ABHD12B: variants seen among roughly 807,000 people sequenced by gnomAD.
ABHD12B encodes the protein abhydrolase domain containing 12B.
A neutral mutation model predicts 50.4 loss-of-function variants in ABHD12B; 42 were observed. The observed-to-expected ratio is 0.83, with a 90% CI of 0.65 to 1.08. The LOEUF is 1.08. Among genes scored for constraint, ABHD12B ranks in the 50% least tolerant of loss-of-function variants. ABHD12B has a pLI of 0.00. For missense variants in ABHD12B, 479 were observed against 447.7 expected (o/e 1.07, Z -0.63); for synonymous variants, 167 against 160.3 (o/e 1.04, Z -0.32).
At chr14:50,893,298 C>T (rs2050145112) in intron 9 of ABHD12B, 1 of 155,644 alleles carries the variant, frequency 6.4e-6, no homozygotes, top group African/African-American at 2.4e-5. Flanking sequence ...GACATTCCAC[C>T]ACAAAAGAAG....
chr14:50,886,554 G>A, intron 7 of ABHD12B, 93 bp from the exon 8 acceptor site: 1 of 1,249,932 alleles, frequency 8.0e-7, no homozygotes, highest in African/African-American at 1.5e-5. Context: ...TTTCTAACCA[G>A]AGAGCCCAGA....
rs1414755272 is a variant in ABHD12B at position 50,877,867 on chromosome 14, A to AAC, written c.105-84_105-83insCA. The AAC allele has an allele frequency of 1.4e-5, 17 of 1,255,482 alleles. No homozygotes were observed. The African/African-American group carries it at 6.0e-4, about 44-fold the overall frequency. The allele number at this position is 1,255,482 out of a possible 1,614,324, so 77.8% of individuals were successfully genotyped here. A position where few individuals can be genotyped will look rare whatever the true frequency, so the allele number is the denominator to read the frequency against. ...GGGCAACAAGAGCAGAACTCTGTCC[A>AAC]AAAAAAAACAAAGAAAAAGAAAAAA... On this transcript the variant is annotated intron_variant, in intron 1 of 12. Transcript: ENST00000337334.
intron 9 of ABHD12B, among the ~76,000 whole-genome samples, chr14:50,897,094 T>C (rs1469522429): frequency 2.1e-5 from 3 of 142,344 alleles, no homozygotes; most frequent in African/African-American, 5.3e-5. Flanking sequence ...TTTTTTGAGA[T>C]GGAGTTTCAC....
chr14:50,898,624 C>T (rs2050226147), intron 9 of ABHD12B, among the ~76,000 whole-genome samples: 1 of 152,124 alleles, frequency 6.6e-6, no homozygotes, highest in Non-Finnish European at 1.5e-5. Flanking sequence ...AGTAGATTGA[C>T]CGGGGCTTGC....
intron 9 of ABHD12B, among the ~76,000 whole-genome samples, chr14:50,890,457 G>T (rs988260998): frequency 6.6e-6 from 1 of 152,102 alleles, no homozygotes; most frequent in Non-Finnish European, 1.5e-5. Context: ...ATTCTTAGAT[G>T]AATTTTACGG....
At chr14:50,873,400 G>T (rs1182588881) in intron 1 of ABHD12B, among the ~76,000 whole-genome samples, 1 of 151,626 alleles carries the variant, frequency 6.6e-6, no homozygotes, top group Non-Finnish European at 1.5e-5. Flanking sequence ...GTGTAGATAT[G>T]GGTTTTCACT....
At chr14:50,892,076 C>T (rs10131598) in intron 9 of ABHD12B, 104,982 of 152,086 alleles carry the variant, frequency 0.69, 36,752 homozygotes, top group South Asian at 0.76. Context: ...TGCTGGGACT[C>T]TGGGATTGCA....
chr14:50,886,008 G>C (rs1376571193), intron 7 of ABHD12B, 113 bp downstream of exon 7: 2 of 1,467,912 alleles, frequency 1.4e-6, no homozygotes, highest in Non-Finnish European at 1.9e-6. Context: ...GGGACTCTTT[G>C]CTGATCATTT....
chr14:50,877,163 T>C (rs757706925), intron 1 of ABHD12B, among the ~76,000 whole-genome samples: 9 of 152,168 alleles, frequency 5.9e-5, no homozygotes, highest in Non-Finnish European at 1.3e-4. Flanking sequence ...CATGGGTCCA[T>C]CTCTTCCAGG....
chr14:50,880,337 T>A, intron 3 of ABHD12B, 115 bp from the exon 4 acceptor site: 1 of 1,124,810 alleles, frequency 8.9e-7, no homozygotes, highest in Non-Finnish European at 1.2e-6. Flanking sequence ...TGTGCATATA[T>A]TAGTCGGATA....
chr14:50,872,360 C>A, intron 1 of ABHD12B, 82 bp downstream of exon 1: 3 of 1,027,706 alleles, frequency 2.9e-6, no homozygotes, highest in Admixed American at 8.8e-5. Flanking sequence ...AGGGCGCGGC[C>A]GAGGCCGCAA....
intron 5 of ABHD12B, among the ~76,000 whole-genome samples, chr14:50,884,866 C>A (rs1185581891): frequency 6.6e-6 from 1 of 151,870 alleles, no homozygotes; most frequent in Non-Finnish European, 1.5e-5. Flanking sequence ...AGGTGTGCAC[C>A]ACCACACCCA....
intron 1 of ABHD12B, among the ~76,000 whole-genome samples, chr14:50,875,021 C>T (rs1002190035): frequency 2.6e-5 from 4 of 152,226 alleles, no homozygotes; most frequent in Admixed American, 6.5e-5. Flanking sequence ...TTACTGAGCT[C>T]AGCCCTGGGC....
chr14:50,904,057 C>A lies in ABHD12B; in HGVS notation c.943-17C>A. ...CTTTGAATGGCCATCCTTTGAGTCT[C>A]TTTCTGTCGCTTGCAGCTCTATGAA... On this transcript the variant is annotated splice_polypyrimidine_tract_variant and intron_variant, in intron 11 of 12. Coordinates refer to ENST00000337334, the MANE Select transcript of ABHD12B (RefSeq NM_001206673.2). 3 of 1,600,936 alleles carry A rather than the reference C, an allele frequency of 1.9e-6. No individual in the cohort carries two copies. Among genetic ancestry groups the A allele is most frequent in the Middle Eastern group, 1.7e-4 (1 of 6,012 alleles).
chr14:50,880,601 T>C (rs1385172220), intron 4 of ABHD12B, 30 bp downstream of exon 4: 4 of 1,520,100 alleles, frequency 2.6e-6, no homozygotes, highest in East Asian at 5.0e-5. Context: ...TATTTTTTTT[T>C]CAGGAGATTG....
chr14:50,895,732 TCC>T (rs1254161205), intron 9 of ABHD12B: 2 of 152,046 alleles, frequency 1.3e-5, no homozygotes, highest in Admixed American at 1.3e-4. Flanking sequence ...GGTAGGCCCG[TCC>T]CCTTCTTAAT....
At chr14:50,880,754 T>C (rs569412607) in intron 4 of ABHD12B, among the ~76,000 whole-genome samples, 183 bp downstream of exon 4, 45 of 152,352 alleles carry the variant, frequency 3.0e-4, no homozygotes, top group Middle Eastern at 3.4e-3. Context: ...ATTCTATATG[T>C]AGAATAATGT....
chr14:50,887,537 C>T (rs2050059895), intron 8 of ABHD12B, among the ~76,000 whole-genome samples: 1 of 152,086 alleles, frequency 6.6e-6, no homozygotes. Context: ...TTACAATTAT[C>T]TGCTTTTGTG....
intron 6 of ABHD12B, 40 bp from the exon 7 acceptor site, chr14:50,885,726 T>C (rs1239924898): frequency 5.0e-6 from 8 of 1,614,092 alleles, no homozygotes; most frequent in Non-Finnish European, 6.8e-6. Context: ...CCCCTCATTT[T>C]GAAGGCAGTG....
Sources: allele counts gnomAD v4.1 joint callset (sites outside exome capture counted in the v4.1 genomes callset), GRCh38; gene constraint gnomAD v4.1.1; transcripts MANE v1.5; gene names NCBI Gene and HGNC (gene_info 2026-07-23, HGNC 2026-07-21).